The following SLC25A46 variants were observed in gnomAD, a reference collection of about 807,000 sequenced individuals.
SLC25A46 encodes mitochondrial outer membrane protein SLC25A46.
A neutral mutation model predicts 44.6 loss-of-function variants in SLC25A46; 39 were observed. The observed-to-expected ratio is 0.87, with a 90% CI of 0.68 to 1.14. The LOEUF (loss-of-function observed/expected upper bound fraction) is 1.14, where lower values mean the gene tolerates loss of function less well. Among genes scored for constraint, SLC25A46 ranks in the 50% most tolerant of loss-of-function variants. The pLI, the probability that SLC25A46 is intolerant of heterozygous loss-of-function variation, is 0.00. For synonymous variants in SLC25A46, 202 were observed against 185.8 expected (o/e 1.09, Z -0.71); for missense variants, 547 against 522.7 (o/e 1.05, Z -0.45).
At chr5:110,742,234 A>G (rs1799709049) in intron 2 of SLC25A46, 145 bp downstream of exon 2, 1 of 529,748 alleles carries the variant, frequency 1.9e-6, no homozygotes, top group Non-Finnish European at 3.2e-6. Context: ...TATTTTGCAG[A>G]AAAAAAATGA....
chr5:110,760,665 C>A (rs1041474257), intron 7 of SLC25A46, among the ~76,000 whole-genome samples: 23 of 152,130 alleles, frequency 1.5e-4, no homozygotes, highest in African/African-American at 5.6e-4. Context: ...GCAGACATTG[C>A]AGGTGGTAAT....
At chr5:110,740,901 G>C (rs1432171090) in intron 1 of SLC25A46, among the ~76,000 whole-genome samples, 1 of 152,184 alleles carries the variant, frequency 6.6e-6, no homozygotes, top group Non-Finnish European at 1.5e-5. Flanking sequence ...GCAGTGAGCC[G>C]AGATCGCGTC....
chr5:110,746,232 A>G, intron 3 of SLC25A46, 37 bp from the exon 4 acceptor site: 13 of 1,457,340 alleles, frequency 8.9e-6, no homozygotes, highest in South Asian at 1.2e-5. Context: ...TTGACAAAAC[A>G]TTAACAGAAA....
intron 5 of SLC25A46, among the ~76,000 whole-genome samples, 194 bp downstream of exon 5, chr5:110,748,457 C>T (rs529852393): frequency 6.6e-6 from 1 of 152,222 alleles, no homozygotes; most frequent in Admixed American, 6.5e-5. Context: ...CCCTTGTCCC[C>T]ATCCCTCCCC....
In SLC25A46 at chr5:110,761,880, G is replaced by A; in HGVS notation, c.*98G>A. The A allele has an allele frequency of 1.9e-6, 2 of 1,030,866 alleles. No homozygotes were observed. Among genetic ancestry groups the A allele is most frequent in the South Asian group, 1.7e-5 (1 of 59,046 alleles). 63.9% of individuals were successfully genotyped at this position (1,030,866 alleles called of 1,614,324 possible). On this transcript the variant is annotated 3_prime_UTR_variant, in exon 8 of 8. Transcript: ENST00000355943. The surrounding 1 kb of genome is among the most constrained non-coding windows in gnomAD (Gnocchi z 5.3). ...AAGTGAAATACTGGGGAAGAAAATG[G>A]ATTGGAAAGTAAAATTGGTACTAAA...
At chr5:110,755,437 T>A in intron 5 of SLC25A46, 28 bp from the exon 6 acceptor site, 2 of 1,407,678 alleles carry the variant, frequency 1.4e-6, no homozygotes, top group Non-Finnish European at 2.0e-6. Flanking sequence ...TGGCTTTTGT[T>A]TTATTTAAGT....
Sources: gnomAD v4.1 joint callset for allele counts (sites outside exome capture counted in the v4.1 genomes callset) on GRCh38, gnomAD v4.1.1 for gene constraint, Gnocchi (gnomAD v3.1) non-coding constraint, MANE v1.5 for transcripts, NCBI Gene and HGNC (gene_info 2026-07-23, HGNC 2026-07-21) for gene names.